CEP112: variants seen among roughly 807,000 people sequenced by gnomAD.
The protein encoded by CEP112 is centrosomal protein of 112 kDa.
CEP112 carries 127 observed loss-of-function variants against 153.0 expected under a neutral mutation model. The ratio of observed to expected loss-of-function variants is 0.83; its 90% CI spans 0.72 to 0.96. CEP112 has a LOEUF of 0.96. Among genes scored for constraint, CEP112 ranks in the 40% least tolerant of loss-of-function variants. The pLI is 0.00. For missense variants in CEP112, 1,089 were observed against 1,101.2 expected, an observed-to-expected ratio of 0.99 and a Z score of 0.16; for synonymous variants, 358 against 374.4, an observed-to-expected ratio of 0.96 and a Z score of 0.51.
chr17:65,908,053 A>C (rs1487322632), intron 19 of CEP112, among the ~76,000 whole-genome samples: 2 of 152,204 alleles, frequency 1.3e-5, no homozygotes, highest in African/African-American at 2.4e-5. Flanking sequence ...TGGACCCATA[A>C]TACATGCTAC....
chr17:65,852,928 C>T (rs2058016030), intron 20 of CEP112, among the ~76,000 whole-genome samples: 1 of 152,074 alleles, frequency 6.6e-6, no homozygotes, highest in Non-Finnish European at 1.5e-5. Flanking sequence ...GATTTAGTTC[C>T]ATCTCTTTGG....
chr17:65,915,406 C>G (rs766235468), intron 19 of CEP112, among the ~76,000 whole-genome samples: 114 of 152,222 alleles, frequency 7.5e-4, no homozygotes, highest in Non-Finnish European at 1.3e-3. Flanking sequence ...CAGCCCACTG[C>G]AATCATCTCC....
chr17:65,918,041 G>C (rs981283844), intron 19 of CEP112, among the ~76,000 whole-genome samples: 1 of 151,962 alleles, frequency 6.6e-6, no homozygotes. Context: ...TTAGCCAGGC[G>C]TGGTGGCGTG....
intron 20 of CEP112, among the ~76,000 whole-genome samples, chr17:65,894,058 T>C (rs1300391635): frequency 6.6e-6 from 1 of 152,138 alleles, no homozygotes; most frequent in Admixed American, 6.6e-5. Flanking sequence ...AAAAATGACT[T>C]TTCCAAGACA....
At chr17:65,674,615 A>G (rs2144114079) in intron 24 of CEP112, among the ~76,000 whole-genome samples, 1 of 152,338 alleles carries the variant, frequency 6.6e-6, no homozygotes, top group South Asian at 2.1e-4. Flanking sequence ...AGTGAATTGG[A>G]AATAAACCAG....
chr17:66,017,999 CAAA>C (rs57700701), intron 16 of CEP112, among the ~76,000 whole-genome samples: 10,263 of 135,498 alleles, frequency 0.076, 339 homozygotes, highest in African/African-American at 0.081. Flanking sequence ...GACTCTGTCT[CAAA>C]AAAAAAAAAA....
intron 22 of CEP112, among the ~76,000 whole-genome samples, chr17:65,748,066 C>T (rs1347002610): frequency 6.6e-6 from 1 of 152,088 alleles, no homozygotes; most frequent in African/African-American, 2.4e-5. Context: ...ATGGAGAGAT[C>T]CAATCCACAG....
At chr17:65,936,488 T>A (rs2061311035) in intron 18 of CEP112, among the ~76,000 whole-genome samples, 1 of 151,900 alleles carries the variant, frequency 6.6e-6, no homozygotes, top group African/African-American at 2.4e-5. Context: ...CAGGCCAATA[T>A]CCCTAATGAA....
intron 10 of CEP112, among the ~76,000 whole-genome samples, 198 bp downstream of exon 10, chr17:66,066,580 G>GACAC (rs3056817): frequency 4.6e-5 from 7 of 150,750 alleles, no homozygotes; most frequent in African/African-American, 1.5e-4. Flanking sequence ...CACACACACA[G>GACAC]ACACACACAC....
At chr17:65,678,770 C>T (rs187868403) in intron 24 of CEP112, among the ~76,000 whole-genome samples, 9 of 152,220 alleles carry the variant, frequency 5.9e-5, no homozygotes, top group East Asian at 1.9e-4. Context: ...TTTGCTGACA[C>T]GTGGATTTGA....
chr17:65,764,054 T>C (rs1161996930), intron 21 of CEP112, among the ~76,000 whole-genome samples: 1 of 151,958 alleles, frequency 6.6e-6, no homozygotes, highest in African/African-American at 2.4e-5. Context: ...TCTCAGTTTC[T>C]CCCCCTCCTA....
intron 18 of CEP112, among the ~76,000 whole-genome samples, chr17:65,945,128 T>A (rs1415764515): frequency 1.3e-5 from 2 of 150,924 alleles, no homozygotes; most frequent in Non-Finnish European, 2.9e-5. Flanking sequence ...TGGATTCATA[T>A]AATAAAAACT....
chr17:66,189,024 T>C (rs1008541261), intron 1 of CEP112, among the ~76,000 whole-genome samples: 1 of 152,190 alleles, frequency 6.6e-6, no homozygotes, highest in African/African-American at 2.4e-5. Flanking sequence ...AATAAATCCT[T>C]TGACATGGGC....
chr17:65,900,567 T>G (rs1351615181), intron 20 of CEP112, among the ~76,000 whole-genome samples: 1 of 152,160 alleles, frequency 6.6e-6, no homozygotes, highest in African/African-American at 2.4e-5. Context: ...CGGCTTCCCA[T>G]AGCAGCCCCC....
At chr17:65,993,483 T>C (rs907388851) in intron 17 of CEP112, among the ~76,000 whole-genome samples, 6 of 152,158 alleles carry the variant, frequency 3.9e-5, no homozygotes, top group African/African-American at 9.7e-5. Flanking sequence ...CATAAAAGCA[T>C]GATGAAGATA....
At chr17:66,135,856 G>GATATAGAT (rs2070410186) in intron 4 of CEP112, among the ~76,000 whole-genome samples, 1 of 152,004 alleles carries the variant, frequency 6.6e-6, no homozygotes, top group Non-Finnish European at 1.5e-5. Flanking sequence ...TATAGATATA[G>GATATAGAT]ATATAGATAT....
chr17:65,827,161 C>T (rs1048322544), intron 21 of CEP112, among the ~76,000 whole-genome samples: 2 of 152,232 alleles, frequency 1.3e-5, no homozygotes, highest in Admixed American at 6.5e-5. Flanking sequence ...TCTTCAGCCA[C>T]AGACTGAAGG....
intron 2 of CEP112, among the ~76,000 whole-genome samples, chr17:66,178,290 T>G (rs2072573679): frequency 6.6e-6 from 1 of 152,210 alleles, no homozygotes; most frequent in Non-Finnish European, 1.5e-5. Flanking sequence ...ACTGCAGTTT[T>G]TATCTGCGTT....
At chr17:65,959,840 C>T (rs2062134100) in intron 18 of CEP112, among the ~76,000 whole-genome samples, 1 of 152,204 alleles carries the variant, frequency 6.6e-6, no homozygotes, top group Non-Finnish European at 1.5e-5. Flanking sequence ...CCTTGCTGCT[C>T]CATGCCTAAC....
Sources: gnomAD v4.1 joint callset for allele counts (sites outside exome capture counted in the v4.1 genomes callset) on GRCh38, gnomAD v4.1.1 for gene constraint, MANE v1.5 for transcripts, NCBI Gene and HGNC (gene_info 2026-07-23, HGNC 2026-07-21) for gene names.